Variants in INTS7 observed in about 807,000 individuals in gnomAD.
INTS7 encodes the protein chromosome 1 open reading frame 73.
In INTS7, 46 loss-of-function variants were observed where a neutral mutation model predicts 109.2. The ratio of observed to expected loss-of-function variants is 0.42; its 90% confidence interval spans 0.33 to 0.54. The LOEUF is 0.54. Among genes scored for constraint, INTS7 ranks in the 20% least tolerant of loss-of-function variants. INTS7 has a pLI of 0.07. For synonymous variants in INTS7, 412 were observed against 402.9 expected, an observed-to-expected ratio of 1.02 and a Z score of -0.27; for missense variants, 929 against 1,132.4, an observed-to-expected ratio of 0.82 and a Z score of 2.58.
At chr1:212,011,520 A>G in intron 4 of INTS7, 99 bp from the exon 5 acceptor site, 1 of 762,428 alleles carries the variant, frequency 1.3e-6, no homozygotes. Flanking sequence ...GAAGAAATAC[A>G]ATATTCCAAA....
In INTS7 at chr1:211,942,016, A is replaced by G; in HGVS notation, c.2697T>C (p.Leu899=). Residue 899 remains leucine (L), a synonymous_variant, in exon 20 of 20, where the codon CTT becomes CTC. Transcript: ENST00000366994. This position sits in a 1 kb window ranked among gnomAD's most constrained non-coding sequence, Gnocchi z 4.2. ...STQFLLNFAI[L]GTHNITVESS... is the part of the protein sequence containing the mutation. ...ATTCCACTGTAATGTTGTGTGTTCC[A>G]AGGATAGCAAAGTTCAACAGAAATT... 6.2e-7 allele frequency: 1 copy of G among 1,614,210 alleles called. No individual in the cohort carries two copies. The highest frequency in any genetic ancestry group is 8.5e-7 in the Non-Finnish European group (1 of 1,180,046).
intron 8 of INTS7, among the ~76,000 whole-genome samples, chr1:211,983,077 A>G (rs1460815727): frequency 6.6e-6 from 1 of 152,212 alleles, no homozygotes; most frequent in Admixed American, 6.5e-5. Context: ...ATTGACTAAC[A>G]GTACAAAAGC....
intron 7 of INTS7, among the ~76,000 whole-genome samples, chr1:211,997,704 C>T (rs1190449267): frequency 6.6e-6 from 1 of 151,534 alleles, no homozygotes; most frequent in Non-Finnish European, 1.5e-5. Flanking sequence ...CATGGTGAAA[C>T]CCCATCTCTA....
At chr1:211,976,797 G>A (rs186693668) in intron 11 of INTS7, 78 bp from the exon 12 acceptor site, 54 of 1,395,584 alleles carry the variant, frequency 3.9e-5, no homozygotes, top group Non-Finnish European at 5.1e-5. Flanking sequence ...CCAAAGGGAG[G>A]AAAACTAATT....
rs114386783 is a variant in INTS7, at chr1:212,001,491, C to T, written c.879+5148G>A. On this transcript the variant is annotated intron_variant, in intron 7 of 19. Transcript: ENST00000366994. Reference sequence around the variant, plus strand: ...ATACAAATAAAAAAACAACATAATACAACTATTTACTTAAGATTACATTGT... The same window carrying T: ...ATACAAATAAAAAAACAACATAATATAACTATTTACTTAAGATTACATTGT... Among the ~76,000 whole-genome samples the T allele has an allele frequency of 4.0e-4, 61 of 152,178 alleles. 2 individuals are homozygous for T. Among genetic ancestry groups the T allele is most frequent in the Non-Finnish European group, 6.2e-4 (42 of 67,974 alleles).
chr1:211,950,889 G>A (rs1324837825), intron 17 of INTS7, among the ~76,000 whole-genome samples: 1 of 152,166 alleles, frequency 6.6e-6, no homozygotes, highest in Non-Finnish European at 1.5e-5. Context: ...ATGGAGCTTA[G>A]AAGAATATGA....
chr1:212,023,322 A>G (rs1666787911), intron 1 of INTS7, among the ~76,000 whole-genome samples: 2 of 152,344 alleles, frequency 1.3e-5, no homozygotes, highest in Middle Eastern at 3.4e-3. Context: ...AGAAATCTCC[A>G]AACTGCTTTC....
chr1:211,988,077 T>C lies in INTS7; in HGVS notation c.880-74A>G, dbSNP rs1286029591. 9.7e-6 allele frequency: 7 copies of C among 724,910 alleles called. No individual in the cohort carries two copies. The East Asian group carries it at 2.1e-4, about 22-fold the overall frequency. 44.9% of individuals were successfully genotyped at this position (724,910 alleles called of 1,614,324 possible). A position where few individuals can be genotyped will look rare whatever the true frequency, so the allele number is the denominator to read the frequency against. On this transcript the variant is annotated intron_variant, in intron 7 of 19. Coordinates refer to ENST00000366994, the MANE Select transcript of INTS7 (RefSeq NM_015434.4). ...TTCTAAACTGTCTACTCCATTTACA[T>C]TTTCTGGCTTTTAGAAAAATTATAT...
intron 1 of INTS7, among the ~76,000 whole-genome samples, chr1:212,032,052 G>A (rs1667189837): frequency 6.6e-6 from 1 of 152,114 alleles, no homozygotes; most frequent in Admixed American, 6.5e-5. Context: ...GACCCAAACT[G>A]ATTTGATTTC....
rs1471525347 is a variant in INTS7, at chr1:211,942,365, C to T, written c.2602-254G>A. ...CCTCCAGGGCCTACACTCTGAACTACTAAGTGATGCTCCTCACTCTACTTG... is the reference window on the plus strand; with the variant it reads ...CCTCCAGGGCCTACACTCTGAACTATTAAGTGATGCTCCTCACTCTACTTG... On this transcript the variant is annotated intron_variant, in intron 19 of 19. Transcript: ENST00000366994. The surrounding 1 kb of genome is among the most constrained non-coding windows in gnomAD (Gnocchi z 4.2). 6.6e-6 allele frequency among the ~76,000 whole-genome samples: 1 copy of T among 152,176 alleles called. No individual in the cohort carries two copies. Among genetic ancestry groups the T allele is most frequent in the Non-Finnish European group, 1.5e-5 (1 of 68,028 alleles).
At chr1:211,966,529 T>G in intron 15 of INTS7, 31 bp from the exon 16 acceptor site, 1 of 1,430,104 alleles carries the variant, frequency 7.0e-7, no homozygotes, top group Non-Finnish European at 9.8e-7. Flanking sequence ...CATACGAAAA[T>G]AGAGAAGAAA....
intron 1 of INTS7, chr1:212,030,726 G>A (rs914090716): frequency 1.3e-5 from 2 of 152,188 alleles, no homozygotes; most frequent in Non-Finnish European, 2.9e-5. Flanking sequence ...TTATGGTATG[G>A]AATTAGTCAC....
intron 7 of INTS7, among the ~76,000 whole-genome samples, chr1:211,998,889 A>T (rs1665533672): frequency 6.6e-6 from 1 of 152,190 alleles, no homozygotes; most frequent in Admixed American, 6.5e-5. Context: ...GATGACAAAT[A>T]AGCCTGTAAG....
chr1:212,000,468 C>G (rs972061607), intron 7 of INTS7, among the ~76,000 whole-genome samples: 1 of 152,152 alleles, frequency 6.6e-6, no homozygotes, highest in African/African-American at 2.4e-5. Context: ...CTTCCCAGTT[C>G]ATTTTAAGAC....
intron 3 of INTS7, among the ~76,000 whole-genome samples, chr1:212,019,831 G>A (rs1296665997): frequency 2.0e-5 from 3 of 152,180 alleles, no homozygotes; most frequent in Non-Finnish European, 4.4e-5. Flanking sequence ...AATGTGCTGA[G>A]GCTAAGCTAT....
At chr1:212,020,338 A>G (rs1666634958) in intron 2 of INTS7, 70 bp from the exon 3 acceptor site, 2 of 878,354 alleles carry the variant, frequency 2.3e-6, no homozygotes. Flanking sequence ...AGCAACACTA[A>G]TAATATTAAA....
intron 13 of INTS7, among the ~76,000 whole-genome samples, chr1:211,974,274 A>ATATATATATATATATATAT (rs1553249475): frequency 8.8e-5 from 7 of 79,554 alleles, no homozygotes; most frequent in East Asian, 3.5e-4. Flanking sequence ...CCAGAAAAAA[A>ATATATATATATATATATAT]AAATATATAT....
intron 15 of INTS7, 78 bp downstream of exon 15, chr1:211,967,800 T>C: frequency 1.4e-6 from 1 of 729,524 alleles, no homozygotes; most frequent in South Asian, 1.7e-5. Context: ...ATTTTGTAGG[T>C]AAGCATATCT....
At chr1:211,984,774 CCTTT>C (rs1664820260) in intron 8 of INTS7, among the ~76,000 whole-genome samples, 2 of 152,032 alleles carry the variant, frequency 1.3e-5, no homozygotes, top group Admixed American at 6.6e-5. Flanking sequence ...CACATTTATT[CCTTT>C]CTTTCTTTTT....
Sources: gnomAD v4.1 joint callset for allele counts (sites outside exome capture counted in the v4.1 genomes callset) on GRCh38, gnomAD v4.1.1 for gene constraint, Gnocchi (gnomAD v3.1) non-coding constraint, MANE v1.5 for transcripts, NCBI Gene and HGNC (gene_info 2026-07-23, HGNC 2026-07-21) for gene names.